Variants in NEDD4L observed in about 807,000 individuals in gnomAD.
NEDD4L encodes E3 ubiquitin-protein ligase NEDD4-like.
NEDD4L carries 54 observed loss-of-function variants against 148.9 expected under a neutral mutation model. The observed-to-expected ratio is 0.36, with a 90% CI of 0.29 to 0.45. The LOEUF is 0.45. Among genes scored for constraint, NEDD4L ranks in the 20% least tolerant of loss-of-function variants. The pLI, the probability that NEDD4L is intolerant of heterozygous loss-of-function variation, is 1.00. For synonymous variants in NEDD4L, 433 were observed against 440.7 expected, an observed-to-expected ratio of 0.98 and a Z score of 0.22; for missense variants, 856 against 1,233.8, an observed-to-expected ratio of 0.69 and a Z score of 4.59.
chr18:58,102,370 C>A (rs1287168434), intron 1 of NEDD4L, among the ~76,000 whole-genome samples: 1 of 152,142 alleles, frequency 6.6e-6, no homozygotes, highest in African/African-American at 2.4e-5. Flanking sequence ...GCTGTAACCC[C>A]ACCTATTGAA....
At chr18:58,306,774 C>T (rs192701946) in intron 5 of NEDD4L, among the ~76,000 whole-genome samples, 203 of 152,196 alleles carry the variant, frequency 1.3e-3, no homozygotes, top group African/African-American at 4.6e-3. Flanking sequence ...TACAGGCAAC[C>T]GCCACCACGC....
At chr18:58,201,103 C>G (rs7233451) in intron 2 of NEDD4L, among the ~76,000 whole-genome samples, 3 of 152,158 alleles carry the variant, frequency 2.0e-5, no homozygotes, top group Non-Finnish European at 4.4e-5. Flanking sequence ...GAGGCCAAGG[C>G]GGGCAGATCA....
At chr18:58,135,956 G>A (rs904480527) in intron 1 of NEDD4L, among the ~76,000 whole-genome samples, 1 of 152,208 alleles carries the variant, frequency 6.6e-6, no homozygotes, top group African/African-American at 2.4e-5. Context: ...TGGCCAGGAA[G>A]CTGAACGCTT....
chr18:58,084,684 T>G (rs1386922359), intron 1 of NEDD4L, among the ~76,000 whole-genome samples: 5 of 150,890 alleles, frequency 3.3e-5, no homozygotes, highest in Non-Finnish European at 7.4e-5. Flanking sequence ...TGTGTGTGTG[T>G]GTGTGTGTGT....
chr18:58,215,333 T>C (rs1441108260), intron 2 of NEDD4L, among the ~76,000 whole-genome samples: 1 of 152,214 alleles, frequency 6.6e-6, no homozygotes, highest in African/African-American at 2.4e-5. Flanking sequence ...ATCTTCGACA[T>C]TATGGAAGGT....
chr18:58,158,118 T>G (rs988452367), intron 1 of NEDD4L, among the ~76,000 whole-genome samples: 1 of 152,210 alleles, frequency 6.6e-6, no homozygotes, highest in Non-Finnish European at 1.5e-5. Flanking sequence ...TCTGAAGGCT[T>G]GACTGGAACA....
chr18:58,058,019 G>C (rs1329917725), intron 1 of NEDD4L, among the ~76,000 whole-genome samples: 1 of 152,086 alleles, frequency 6.6e-6, no homozygotes, highest in Non-Finnish European at 1.5e-5. Flanking sequence ...TTAAAAAATG[G>C]TGGTAAGGCC....
chr18:58,218,626 A>T (rs1297529966), intron 2 of NEDD4L, among the ~76,000 whole-genome samples: 1 of 152,152 alleles, frequency 6.6e-6, no homozygotes, highest in Non-Finnish European at 1.5e-5. Flanking sequence ...ATAAAACTGA[A>T]GTATCTGTCT....
intron 1 of NEDD4L, among the ~76,000 whole-genome samples, chr18:58,135,879 G>T (rs1443965901): frequency 6.6e-6 from 1 of 152,146 alleles, no homozygotes; most frequent in African/African-American, 2.4e-5. Flanking sequence ...GACAGTCTTG[G>T]CCCGTGTTTC....
At chr18:58,369,950 C>G (rs1316950242) in intron 22 of NEDD4L, among the ~76,000 whole-genome samples, 1 of 152,226 alleles carries the variant, frequency 6.6e-6, no homozygotes. Context: ...CTTTCACTGA[C>G]TCCCCACTGC....
chr18:58,120,181 G>A (rs1401635085), intron 1 of NEDD4L, among the ~76,000 whole-genome samples: 4 of 152,128 alleles, frequency 2.6e-5, no homozygotes, highest in Non-Finnish European at 5.9e-5. Flanking sequence ...AAATAGAAAG[G>A]CAGAAATCCC....
chr18:58,279,254 T>G (rs1004411938), intron 5 of NEDD4L, among the ~76,000 whole-genome samples: 1 of 152,018 alleles, frequency 6.6e-6, no homozygotes, highest in Non-Finnish European at 1.5e-5. Context: ...GAGCTTCCAG[T>G]CTAGTGAGAG....
chr18:58,349,582 T>G lies in NEDD4L; in HGVS notation c.1621T>G (p.Ser541Ala), dbSNP rs2043604405. Reference protein sequence around the residue: ...KFPVHMRSKTSLNPNDLGPLP... With the variant: ...KFPVHMRSKTALNPNDLGPLP... ...TCCAGTACATATGCGGTCAAAGACA[T>G]CTTTAAACCCCAATGACCTTGGCCC... Residue 541 changes from serine (S) to alanine (A), a missense_variant, in exon 17 of 31, where the codon TCT becomes GCT. Transcript: ENST00000400345. The G allele has an allele frequency of 1.2e-6, 2 of 1,613,882 alleles. No homozygotes were observed. Among genetic ancestry groups the G allele is most frequent in the Non-Finnish European group, 1.7e-6 (2 of 1,179,874 alleles).
intron 1 of NEDD4L, among the ~76,000 whole-genome samples, chr18:58,159,864 T>C (rs1272096201): frequency 6.6e-6 from 1 of 152,170 alleles, no homozygotes; most frequent in East Asian, 1.9e-4. Context: ...CATGAATTAA[T>C]TTAGGTAAGA....
chr18:58,195,423 G>A (rs539893335), intron 2 of NEDD4L: 12 of 1,302,194 alleles, frequency 9.2e-6, no homozygotes, highest in East Asian at 9.7e-5. Context: ...ATTTGCTCCC[G>A]ATTCGAGAGA....
At chr18:58,203,489 G>A (rs1376503315) in intron 2 of NEDD4L, among the ~76,000 whole-genome samples, 2 of 152,130 alleles carry the variant, frequency 1.3e-5, no homozygotes, top group Non-Finnish European at 2.9e-5. Context: ...ATCTAAGTAT[G>A]TCTAGATTCA....
At position 58,332,153 on chromosome 18, in the gene NEDD4L, A is replaced by G. The variant is rs2041071533; in HGVS notation, c.990+1239A>G. Among the ~76,000 whole-genome samples the G allele has an allele frequency of 3.3e-5, 5 of 152,330 alleles. No homozygotes were observed. The South Asian group carries it at 1.0e-3, about 32-fold the overall frequency. On this transcript the variant is annotated intron_variant, in intron 11 of 30. Transcript: ENST00000400345. Reference sequence around the variant, plus strand: ...CACACCTTTAGTAAACCAAGTAAACACTGTAATTTTTTTCAGCAATAATCA... The same window carrying G: ...CACACCTTTAGTAAACCAAGTAAACGCTGTAATTTTTTTCAGCAATAATCA...
At chr18:58,268,138 A>G (rs976526968) in intron 5 of NEDD4L, among the ~76,000 whole-genome samples, 1 of 152,080 alleles carries the variant, frequency 6.6e-6, no homozygotes, top group East Asian at 1.9e-4. Context: ...AGAAGCTTCT[A>G]TACCATCCTG....
chr18:58,229,390 GGTAACAAA>G (rs2044787102), intron 2 of NEDD4L, among the ~76,000 whole-genome samples: 1 of 152,012 alleles, frequency 6.6e-6, no homozygotes, highest in South Asian at 2.1e-4. Flanking sequence ...CAGATGGCAC[GGTAACAAA>G]GTCCCTGTGC....
Sources: allele counts gnomAD v4.1 joint callset (sites outside exome capture counted in the v4.1 genomes callset), GRCh38; gene constraint gnomAD v4.1.1; transcripts MANE v1.5; gene names NCBI Gene and HGNC (gene_info 2026-07-23, HGNC 2026-07-21).